PCDHGA6: variants seen among roughly 807,000 people sequenced by gnomAD.
The protein encoded by PCDHGA6 is protocadherin gamma-A6.
In PCDHGA6, 41 loss-of-function variants were observed where a neutral mutation model predicts 60.6. The ratio of observed to expected loss-of-function variants is 0.68; its 90% confidence interval spans 0.53 to 0.88. The LOEUF is 0.88. PCDHGA6 is among the 40% of genes least tolerant of loss of function. The probability of loss-of-function intolerance (pLI) is 0.00; values close to 1 mark genes in which losing one functional copy is unlikely to be tolerated. For missense variants in PCDHGA6, 1,312 were observed against 1,203.0 expected (o/e 1.09, Z -1.34); for synonymous variants, 594 against 524.4 (o/e 1.13, Z -1.81).
chr5:141,466,552 G>C lies in PCDHGA6; in HGVS notation c.2425-28255G>C, dbSNP rs913019489. On this transcript the variant is annotated intron_variant, in intron 1 of 3. Coordinates refer to ENST00000517434, the MANE Select transcript of PCDHGA6 (RefSeq NM_018919.3). ...ATTGATGTAGATGGTCTTTTGCTGTGGGCTTCATCTTCAACATTGTCTCAT... is the reference window on the plus strand; with the variant it reads ...ATTGATGTAGATGGTCTTTTGCTGTCGGCTTCATCTTCAACATTGTCTCAT... 2.6e-5 allele frequency among the ~76,000 whole-genome samples: 4 copies of C among 152,144 alleles called. No homozygotes were observed. The South Asian group carries it at 8.3e-4, about 32-fold the overall frequency.
At chr5:141,413,118 G>C (rs999214227) in intron 1 of PCDHGA6, 1 of 1,517,152 alleles carries the variant, frequency 6.6e-7, no homozygotes, top group Non-Finnish European at 8.9e-7. Flanking sequence ...CAAAGGAACC[G>C]GTTGAAACAC....
chr5:141,511,237 T>C lies in PCDHGA6; in HGVS notation c.*64T>C, dbSNP rs886816274. 1.9e-6 allele frequency: 3 copies of C among 1,590,378 alleles called. No homozygotes were observed. The South Asian group carries it at 3.4e-5, about 18-fold the overall frequency. ...CCAACCAGCCCAGCTTCTCCTTACC[T>C]GCACCCAGGCCTCAGAGTTTCAGGG... On this transcript the variant is annotated 3_prime_UTR_variant, in exon 4 of 4. Coordinates refer to ENST00000517434, the MANE Select transcript of PCDHGA6 (RefSeq NM_018919.3).
At chr5:141,403,171 G>C (rs542727163) in intron 1 of PCDHGA6, 1 of 1,614,042 alleles carries the variant, frequency 6.2e-7, no homozygotes, top group Admixed American at 1.7e-5. Flanking sequence ...GTAGGACGCA[G>C]CTTTTCTCTC....
chr5:141,413,891 C>G, intron 1 of PCDHGA6: 1 of 1,613,382 alleles, frequency 6.2e-7, no homozygotes, highest in East Asian at 2.2e-5. Flanking sequence ...GTCTTCGATG[C>G]AAATGACAAC....
intron 1 of PCDHGA6, among the ~76,000 whole-genome samples, chr5:141,492,964 C>CT (rs2099745347): frequency 6.6e-6 from 1 of 152,354 alleles, no homozygotes; most frequent in Non-Finnish European, 1.5e-5. Context: ...ATCTGACACT[C>CT]TAACAAGTCC....
At chr5:141,507,833 G>C (rs1184502436) in intron 3 of PCDHGA6, among the ~76,000 whole-genome samples, 2 of 152,172 alleles carry the variant, frequency 1.3e-5, no homozygotes, top group East Asian at 3.9e-4. Flanking sequence ...GGAGGTGGTG[G>C]GTCAGGCCCT....
Position 141,486,552 on chromosome 5 carries a change from A to G in PCDHGA6, c.2425-8255A>G. On this transcript the variant is annotated intron_variant, in intron 1 of 3. Coordinates refer to ENST00000517434, the MANE Select transcript of PCDHGA6 (RefSeq NM_018919.3). This position sits in a 1 kb window ranked among gnomAD's most constrained non-coding sequence, Gnocchi z 5.0. ...CCACCCTCTTTCTTTCAGAGGTCAC[A>G]TGAGGTGTTTGTTCCTGAGAACAAT... is the stretch of plus-strand genomic sequence containing the variant. 1 of 1,614,136 alleles carries G rather than the reference A, an allele frequency of 6.2e-7. No homozygotes were observed. The highest frequency in any genetic ancestry group is 2.2e-5 in the East Asian group (1 of 44,882).
At chr5:141,420,722 A>G (rs1428516588) in intron 1 of PCDHGA6, among the ~76,000 whole-genome samples, 1 of 152,226 alleles carries the variant, frequency 6.6e-6, no homozygotes, top group African/African-American at 2.4e-5. Context: ...CGTTCCTTTC[A>G]GTCGGTTAAA....
intron 1 of PCDHGA6, chr5:141,390,018 C>A: frequency 2.5e-6 from 4 of 1,614,062 alleles, no homozygotes; most frequent in Non-Finnish European, 3.4e-6. Context: ...CATTGCCTTG[C>A]GCCTGCGACG....
chr5:141,483,350 G>C (rs2099580423), intron 1 of PCDHGA6, among the ~76,000 whole-genome samples: 4 of 152,172 alleles, frequency 2.6e-5, no homozygotes, highest in Admixed American at 1.3e-4. Flanking sequence ...CTTTGCAATA[G>C]TTTGAAAGCT....
intron 1 of PCDHGA6, chr5:141,418,551 T>A (rs766987131): frequency 1.2e-6 from 2 of 1,614,026 alleles, no homozygotes; most frequent in South Asian, 2.2e-5. Context: ...ATAAGAATCC[T>A]GGTAATAGAT....
chr5:141,494,556 T>C (rs909822734), intron 1 of PCDHGA6, among the ~76,000 whole-genome samples: 18 of 152,120 alleles, frequency 1.2e-4, no homozygotes, highest in African/African-American at 4.3e-4. Context: ...GCCATTTCTT[T>C]AGGAAAGGAG....
intron 1 of PCDHGA6, chr5:141,419,944 C>T (rs1375807568): frequency 6.2e-7 from 1 of 1,614,066 alleles, no homozygotes; most frequent in South Asian, 1.1e-5. Flanking sequence ...TGGTGGTGGC[C>T]TTGGCCTTGA....
rs1771526173 is a variant in PCDHGA6, at chr5:141,375,495, T to C, written c.1412T>C (p.Ile471Thr). The C allele has an allele frequency of 8.1e-6, 13 of 1,613,800 alleles. No individual in the cohort carries two copies. Among genetic ancestry groups the C allele is most frequent in the Non-Finnish European group, 1.1e-5 (13 of 1,179,966 alleles). Reference protein sequence around the residue: ...VLENNPRGASIFSVNALDPDV... With the variant: ...VLENNPRGASTFSVNALDPDV... ...GAAAACAACCCCAGGGGTGCCTCCATCTTCTCTGTGAATGCACTGGACCCT... is the reference window on the plus strand; with the variant it reads ...GAAAACAACCCCAGGGGTGCCTCCACCTTCTCTGTGAATGCACTGGACCCT... Residue 471 changes from isoleucine to threonine, a missense_variant, in exon 1 of 4, where the codon ATC becomes ACC. By Grantham distance (89) the Ile-to-Thr change is moderately conservative. Transcript: ENST00000517434.
rs994740663 is a variant in PCDHGA6, at chr5:141,477,022, G to T, written c.2425-17785G>T. ...TATTCGCCTTAGACCTTGTAACCGG[G>T]ATGCTGACAATCAAGGGTCGGCTGG... On this transcript the variant is annotated intron_variant, in intron 1 of 3. Transcript: ENST00000517434. The surrounding 1 kb of genome is among the most constrained non-coding windows in gnomAD (Gnocchi z 4.9). 6.2e-7 allele frequency: 1 copy of T among 1,614,240 alleles called. No homozygotes were observed. Among genetic ancestry groups the T allele is most frequent in the African/African-American group, 1.3e-5 (1 of 75,074 alleles).
At chr5:141,457,719 G>T (rs1437841051) in intron 1 of PCDHGA6, among the ~76,000 whole-genome samples, 1 of 152,226 alleles carries the variant, frequency 6.6e-6, no homozygotes, top group Non-Finnish European at 1.5e-5. Context: ...GTTCCACAAG[G>T]AATTTCAGAT....
chr5:141,418,424 G>A lies in PCDHGA6; in HGVS notation c.2424+41917G>A, dbSNP rs1427064246. Reference sequence around the variant, plus strand: ...GGTGGAGAAAGACAATCCTGATGGTGGCAAATATCCAGAATTAGTATTGCA... The same window carrying A: ...GGTGGAGAAAGACAATCCTGATGGTAGCAAATATCCAGAATTAGTATTGCA... On this transcript the variant is annotated intron_variant, in intron 1 of 3. Coordinates refer to ENST00000517434, the MANE Select transcript of PCDHGA6 (RefSeq NM_018919.3). 1 of 1,613,974 alleles carries A rather than the reference G, an allele frequency of 6.2e-7. No individual in the cohort carries two copies. Among genetic ancestry groups the A allele is most frequent in the Non-Finnish European group, 8.5e-7 (1 of 1,179,872 alleles).
intron 2 of PCDHGA6, 117 bp downstream of exon 2, chr5:141,494,982 G>C: frequency 6.4e-7 from 1 of 1,563,940 alleles, no homozygotes; most frequent in Non-Finnish European, 8.7e-7. Context: ...CTCAGTTTGA[G>C]ATCCCAGGGA....
intron 1 of PCDHGA6, chr5:141,388,381 C>T (rs370363580): frequency 1.9e-6 from 3 of 1,613,888 alleles, no homozygotes; most frequent in African/African-American, 2.7e-5. Flanking sequence ...GGTAGCAACA[C>T]ACTGCAGAAT....
Sources: gnomAD v4.1 joint callset for allele counts (sites outside exome capture counted in the v4.1 genomes callset) on GRCh38, gnomAD v4.1.1 for gene constraint, Gnocchi (gnomAD v3.1) non-coding constraint, MANE v1.5 for transcripts, NCBI Gene and HGNC (gene_info 2026-07-23, HGNC 2026-07-21) for gene names.